Variants in NCKAP5 observed in about 807,000 individuals in gnomAD.
NCKAP5 encodes the protein nck-associated protein 5.
NCKAP5 carries 92 observed loss-of-function variants against 167.0 expected under a neutral mutation model. That is an observed-to-expected ratio of 0.55 (90% CI 0.47 to 0.66). NCKAP5 has a LOEUF of 0.66. NCKAP5 is among the 30% of genes least tolerant of loss of function. The probability of loss-of-function intolerance (pLI) is 0.00; values close to 1 mark genes in which losing one functional copy is unlikely to be tolerated. For synonymous variants in NCKAP5, 891 were observed against 877.4 expected (o/e 1.02, Z -0.27); for missense variants, 2,378 against 2,315.0 (o/e 1.03, Z -0.56).
chr2:133,177,764 TG>T (rs1281595570), intron 5 of NCKAP5, among the ~76,000 whole-genome samples: 1 of 151,972 alleles, frequency 6.6e-6, no homozygotes, highest in Non-Finnish European at 1.5e-5. Flanking sequence ...CACTGCCAGG[TG>T]GTAATGAGCT....
chr2:132,745,137 C>A (rs974475766), intron 16 of NCKAP5, among the ~76,000 whole-genome samples: 1 of 151,612 alleles, frequency 6.6e-6, no homozygotes, highest in African/African-American at 2.4e-5. Context: ...TGATATCAAA[C>A]TCAAAGACAT....
chr2:132,720,037 T>C (rs1370148555), intron 19 of NCKAP5, among the ~76,000 whole-genome samples: 1 of 152,178 alleles, frequency 6.6e-6, no homozygotes, highest in East Asian at 1.9e-4. Flanking sequence ...GCAAGGTCCA[T>C]TGGGTCCAGG....
intron 2 of NCKAP5, among the ~76,000 whole-genome samples, chr2:133,546,390 G>C (rs1686678955): frequency 6.6e-6 from 1 of 152,174 alleles, no homozygotes; most frequent in African/African-American, 2.4e-5. Flanking sequence ...TTTCCACAAT[G>C]ACTGCCTCTG....
At chr2:133,142,536 G>A (rs2083039725) in intron 5 of NCKAP5, among the ~76,000 whole-genome samples, 1 of 152,054 alleles carries the variant, frequency 6.6e-6, no homozygotes. Flanking sequence ...TCCACTCCTG[G>A]CAATGTTTAG....
At position 132,671,914 on chromosome 2, in the gene NCKAP5, A is replaced by ATT. The variant is rs1683799712; in HGVS notation, c.*1373_*1374dup. ...AGATAAAATAAAACAAATTGCACAA[A>ATT]TTAACCAAATAACACTGATCATACA... On this transcript the variant is annotated 3_prime_UTR_variant, in exon 20 of 20. Transcript: ENST00000409261. 1 of 152,694 alleles carries ATT rather than the reference A, an allele frequency of 6.5e-6. No homozygotes were observed. The highest frequency in any genetic ancestry group is 1.5e-5 in the Non-Finnish European group (1 of 68,040). The allele number at this position is 152,694 out of a possible 1,614,324, so 9.5% of individuals were successfully genotyped here.
intron 4 of NCKAP5, among the ~76,000 whole-genome samples, chr2:133,217,793 C>A (rs920811680): frequency 1.3e-5 from 2 of 152,220 alleles, no homozygotes; most frequent in East Asian, 3.9e-4. Context: ...AATAATATTA[C>A]CATCTTGCAT....
At chr2:133,531,652 C>G (rs1685373057) in intron 2 of NCKAP5, among the ~76,000 whole-genome samples, 1 of 152,132 alleles carries the variant, frequency 6.6e-6, no homozygotes, top group Non-Finnish European at 1.5e-5. Context: ...CTCCTGACTT[C>G]AGTAGAATTA....
At chr2:132,939,732 G>T (rs1333349729) in intron 8 of NCKAP5, among the ~76,000 whole-genome samples, 1 of 152,096 alleles carries the variant, frequency 6.6e-6, no homozygotes, top group African/African-American at 2.4e-5. Context: ...GAGCATGGTG[G>T]CTCACACCTG....
intron 2 of NCKAP5, among the ~76,000 whole-genome samples, chr2:133,550,977 G>C (rs1214801967): frequency 6.6e-6 from 1 of 152,096 alleles, no homozygotes; most frequent in Non-Finnish European, 1.5e-5. Flanking sequence ...CAAATCATGA[G>C]TGAATTCCCA....
the NCKAP5 span, among the ~76,000 whole-genome samples, chr2:133,669,193 T>C: frequency 6.6e-6 from 1 of 152,118 alleles, no homozygotes; most frequent in Admixed American, 6.5e-5. Context: ...GGAATGAAAA[T>C]AAGGCAAGTT....
chr2:133,206,222 TA>T (rs2085946248), intron 5 of NCKAP5, among the ~76,000 whole-genome samples: 1 of 152,146 alleles, frequency 6.6e-6, no homozygotes, highest in African/African-American at 2.4e-5. Flanking sequence ...TTCCATTTTT[TA>T]AAAAAATTAT....
At chr2:133,092,610 CATTTT>C (rs771174102) in intron 6 of NCKAP5, among the ~76,000 whole-genome samples, 27 of 152,242 alleles carry the variant, frequency 1.8e-4, no homozygotes, top group Non-Finnish European at 2.6e-4. Context: ...AACGTCATTT[CATTTT>C]AACATTGATG....
chr2:132,826,488 T>C (rs11692657), intron 11 of NCKAP5, among the ~76,000 whole-genome samples: 27,141 of 152,164 alleles, frequency 0.18, 2,728 homozygotes, highest in East Asian at 0.3. Flanking sequence ...AAGGGGCTAT[T>C]AGAGGTGACC....
At chr2:132,947,104 A>T (rs1300429763) in intron 8 of NCKAP5, among the ~76,000 whole-genome samples, 2 of 152,188 alleles carry the variant, frequency 1.3e-5, no homozygotes, top group East Asian at 3.8e-4. Context: ...TCATATGCTC[A>T]ATGTGCATTC....
At chr2:132,690,115 GA>G (rs201640862) in intron 19 of NCKAP5, among the ~76,000 whole-genome samples, 6 of 151,256 alleles carry the variant, frequency 4.0e-5, no homozygotes, top group Non-Finnish European at 8.8e-5. Context: ...ACATTGATGA[GA>G]AAAAAAAATC....
intron 8 of NCKAP5, among the ~76,000 whole-genome samples, chr2:132,935,604 G>A (rs1305423248): frequency 6.6e-6 from 1 of 152,140 alleles, no homozygotes; most frequent in Non-Finnish European, 1.5e-5. Flanking sequence ...GATGAGAGGT[G>A]GAAGGTGAAG....
At chr2:133,029,116 C>T (rs2078793840) in intron 6 of NCKAP5, among the ~76,000 whole-genome samples, 2 of 152,090 alleles carry the variant, frequency 1.3e-5, no homozygotes, top group African/African-American at 4.8e-5. Context: ...CATAGGAATG[C>T]AAGAATGGCC....
At chr2:133,426,807 A>C (rs998691177) in intron 3 of NCKAP5, among the ~76,000 whole-genome samples, 3 of 152,212 alleles carry the variant, frequency 2.0e-5, no homozygotes, top group African/African-American at 7.2e-5. Context: ...ACTAGATGAG[A>C]GGTATATGGG....
chr2:133,516,898 G>A (rs1265214144), intron 3 of NCKAP5, among the ~76,000 whole-genome samples: 1 of 152,206 alleles, frequency 6.6e-6, no homozygotes, highest in Non-Finnish European at 1.5e-5. Context: ...AGTCTAAAGT[G>A]AATTAGTCTG....
Sources: gnomAD v4.1 joint callset for allele counts (sites outside exome capture counted in the v4.1 genomes callset) on GRCh38, gnomAD v4.1.1 for gene constraint, MANE v1.5 for transcripts, NCBI Gene and HGNC (gene_info 2026-07-23, HGNC 2026-07-21) for gene names.